The following ATXN8OS variants were observed in gnomAD, a reference collection of about 807,000 sequenced individuals.
ATXN8OS encodes ATXN8 opposite strand (non-protein coding).
intron 4 of ATXN8OS, among the ~76,000 whole-genome samples, chr13:70,158,255 TA>T (rs1216044043): frequency 1.3e-5 from 2 of 152,024 alleles, no homozygotes; most frequent in Non-Finnish European, 2.9e-5. Context: ...CTGTCTCTAC[TA>T]AAAATACAAA....
At chr13:70,109,112 T>C (rs1329590130) in intron 1 of ATXN8OS, among the ~76,000 whole-genome samples, 1 of 152,218 alleles carries the variant, frequency 6.6e-6, no homozygotes, top group Non-Finnish European at 1.5e-5. Context: ...ACATAAATCA[T>C]TGTATACTAT....
In ATXN8OS at chr13:70,136,407, C is replaced by A. The variant is rs1888615104; in HGVS notation, n.499+6523C>A. Among the ~76,000 whole-genome samples the A allele has an allele frequency of 5.3e-5, 8 of 152,000 alleles. No homozygotes were observed. The South Asian group carries it at 1.7e-3, about 31-fold the overall frequency. On this transcript the variant is annotated intron_variant and non_coding_transcript_variant, in intron 3 of 4. Coordinates refer to ENST00000678624, the Ensembl canonical transcript of ATXN8OS. Reference sequence around the variant, plus strand: ...CTGTACATCTATAACTTCACCACATCATATCCAAATTGTATCCTACTTTTT... The same window carrying A: ...CTGTACATCTATAACTTCACCACATAATATCCAAATTGTATCCTACTTTTT...
chr13:70,143,452 C>T (rs1262124777), intron 3 of ATXN8OS, among the ~76,000 whole-genome samples: 2 of 152,046 alleles, frequency 1.3e-5, no homozygotes, highest in Non-Finnish European at 2.9e-5. Flanking sequence ...ATTTCTCTAC[C>T]TCTGCTGGTG....
intron 2 of ATXN8OS, among the ~76,000 whole-genome samples, chr13:70,115,908 T>G (rs1888272246): frequency 1.3e-5 from 2 of 152,056 alleles, no homozygotes; most frequent in South Asian, 4.1e-4. Flanking sequence ...CAAGAAAAAT[T>G]AAGCATATAT....
At chr13:70,125,780 C>G (rs1207043837) in intron 2 of ATXN8OS, among the ~76,000 whole-genome samples, 1 of 152,140 alleles carries the variant, frequency 6.6e-6, no homozygotes, top group Non-Finnish European at 1.5e-5. Flanking sequence ...GGATGTTTCA[C>G]TGATGCACAG....
chr13:70,160,150 G>T (rs940208785), intron 4 of ATXN8OS, among the ~76,000 whole-genome samples: 2 of 149,476 alleles, frequency 1.3e-5, no homozygotes, highest in African/African-American at 4.8e-5. Flanking sequence ...ATGAATGAAG[G>T]TATCATTTTT....
intron 4 of ATXN8OS, among the ~76,000 whole-genome samples, chr13:70,152,474 CAT>C (rs536295268): frequency 2.6e-3 from 390 of 151,676 alleles, no homozygotes; most frequent in African/African-American, 8.8e-3. Flanking sequence ...CATGTATACA[CAT>C]ATATATACAC....
chr13:70,132,816 A>G (rs1459873053), intron 3 of ATXN8OS, among the ~76,000 whole-genome samples: 1 of 151,952 alleles, frequency 6.6e-6, no homozygotes, highest in Non-Finnish European at 1.5e-5. Flanking sequence ...AAATGTGCAT[A>G]TTAGTCAAGG....
chr13:70,121,027 T>C (rs1468368288), intron 2 of ATXN8OS, among the ~76,000 whole-genome samples: 1 of 151,706 alleles, frequency 6.6e-6, no homozygotes, highest in Non-Finnish European at 1.5e-5. Flanking sequence ...CATATGTAAC[T>C]AACCTGCACG....
At chr13:70,142,912 A>G (rs947197224) in intron 3 of ATXN8OS, among the ~76,000 whole-genome samples, 2 of 152,110 alleles carry the variant, frequency 1.3e-5, no homozygotes, top group African/African-American at 4.8e-5. Flanking sequence ...CCTCTCTACT[A>G]AAAATACAAA....
intron 2 of ATXN8OS, among the ~76,000 whole-genome samples, chr13:70,124,882 C>A (rs1428690376): frequency 6.7e-6 from 1 of 149,384 alleles, no homozygotes; most frequent in Admixed American, 6.7e-5. Context: ...TTTTTAATTT[C>A]TTCTTTATTC....
chr13:70,135,616 T>C (rs1302260589), intron 3 of ATXN8OS, among the ~76,000 whole-genome samples: 1 of 151,182 alleles, frequency 6.6e-6, no homozygotes, highest in African/African-American at 2.4e-5. Context: ...TTTACATGGG[T>C]CCATATTGAA....
At chr13:70,171,592 A>G (rs576353633) in exon 5 of ATXN8OS, among the ~76,000 whole-genome samples, 1 of 152,250 alleles carries the variant, frequency 6.6e-6, no homozygotes, top group South Asian at 2.1e-4. Context: ...CTTCATCATA[A>G]TCTTAGGGAA....
intron 4 of ATXN8OS, among the ~76,000 whole-genome samples, chr13:70,166,092 C>T (rs1889072602): frequency 6.6e-6 from 1 of 151,938 alleles, no homozygotes; most frequent in Non-Finnish European, 1.5e-5. Flanking sequence ...AATGATGAAG[C>T]ACATGAATAT....
intron 3 of ATXN8OS, among the ~76,000 whole-genome samples, chr13:70,140,949 T>C (rs1888706081): frequency 6.6e-6 from 1 of 152,150 alleles, no homozygotes; most frequent in African/African-American, 2.4e-5. Flanking sequence ...CACTCCTGTA[T>C]GTGTTGGGAT....
rs143823607 is a variant in ATXN8OS at position 70,142,940 on chromosome 13, G to T, written n.500-4415G>T. Among the ~76,000 whole-genome samples, 694 of 152,076 alleles carry T rather than the reference G, an allele frequency of 4.6e-3. 2 individuals are homozygous for T. Among genetic ancestry groups the T allele is most frequent in the Non-Finnish European group, 7.2e-3 (487 of 68,002 alleles). ...AATACAAAATTAGTCTGGTGTGGTG[G>T]CACACGCCTGTAATCCTAGTTACTC... On this transcript the variant is annotated intron_variant and non_coding_transcript_variant, in intron 3 of 4. Transcript: ENST00000678624.
At chr13:70,152,906 AG>A in intron 4 of ATXN8OS, among the ~76,000 whole-genome samples, 1 of 152,114 alleles carries the variant, frequency 6.6e-6, no homozygotes, top group Non-Finnish European at 1.5e-5. Context: ...ATGCAAACAA[AG>A]AAAAGGGAAA....
intron 3 of ATXN8OS, among the ~76,000 whole-genome samples, chr13:70,145,413 TG>T (rs1358165818): frequency 1.3e-5 from 2 of 151,844 alleles, no homozygotes; most frequent in Non-Finnish European, 2.9e-5. Flanking sequence ...TTGATGGGGA[TG>T]GCATTGAATC....
Position 70,139,335 on chromosome 13 carries a change from G to C in ATXN8OS, n.500-8020G>C, listed in dbSNP as rs2137490096. ...CTTGGCTAGACCCTGGGTCCTTCAT[G>C]TTAGAAAACCTGGCTTTACTACTAC... On this transcript the variant is annotated intron_variant and non_coding_transcript_variant, in intron 3 of 4. Transcript: ENST00000678624. 3 of 637,434 alleles carry C rather than the reference G, an allele frequency of 4.7e-6. No individual in the cohort carries two copies. The East Asian group carries it at 8.5e-5, about 18-fold the overall frequency. 39.5% of individuals were successfully genotyped at this position (637,434 alleles called of 1,614,324 possible). A position where few individuals can be genotyped will look rare whatever the true frequency, so the allele number is the denominator to read the frequency against.
Sources: gnomAD v4.1 joint callset for allele counts (sites outside exome capture counted in the v4.1 genomes callset) on GRCh38, gnomAD v4.1.1 for gene constraint, MANE v1.5 for transcripts, NCBI Gene and HGNC (gene_info 2026-07-23, HGNC 2026-07-21) for gene names.